C12orf42: variants seen among roughly 807,000 people sequenced by gnomAD.
C12orf42 encodes the protein uncharacterized protein C12orf42.
A neutral mutation model predicts 21.6 loss-of-function variants in C12orf42; 25 were observed. The observed-to-expected ratio is 1.16, with a 90% CI of 0.84 to 1.62. C12orf42 has a LOEUF of 1.62. Ranked by LOEUF, C12orf42 falls within the 40% of genes most tolerant of loss-of-function variation. C12orf42 has a pLI of 0.00. For missense variants in C12orf42, 483 were observed against 459.3 expected, an observed-to-expected ratio of 1.05 and a Z score of -0.47; for synonymous variants, 174 against 175.0, an observed-to-expected ratio of 0.99 and a Z score of 0.05.
At chr12:103,105,733 G>A in the C12orf42 span, among the ~76,000 whole-genome samples, 1,802 of 151,652 alleles carry the variant, frequency 0.012, 39 homozygotes, top group African/African-American at 0.042. Flanking sequence ...GGCTTAAAAT[G>A]TAGAATTTCA....
chr12:103,169,507 A>G, the C12orf42 span, among the ~76,000 whole-genome samples: 1 of 152,168 alleles, frequency 6.6e-6, no homozygotes, highest in East Asian at 1.9e-4. Context: ...TACAGAGAAG[A>G]CAAGTAACTT....
chr12:103,222,100 G>A, the C12orf42 span, among the ~76,000 whole-genome samples: 1 of 152,164 alleles, frequency 6.6e-6, no homozygotes, highest in Non-Finnish European at 1.5e-5. Context: ...GAGTTAATCA[G>A]CAGCCACCAT....
chr12:103,258,249 T>A (rs917608656), intron 10 of C12orf42, among the ~76,000 whole-genome samples: 1 of 152,120 alleles, frequency 6.6e-6, no homozygotes, highest in Non-Finnish European at 1.5e-5. Context: ...TAAGTCTAAA[T>A]AATAGCTTAA....
chr12:103,051,618 C>T, the C12orf42 span, among the ~76,000 whole-genome samples: 32 of 152,124 alleles, frequency 2.1e-4, no homozygotes, highest in Admixed American at 1.5e-3. Flanking sequence ...AAAAGCCATC[C>T]GCATTTATGT....
the C12orf42 span, among the ~76,000 whole-genome samples, chr12:103,532,874 T>C: frequency 6.6e-6 from 1 of 151,938 alleles, no homozygotes; most frequent in Non-Finnish European, 1.5e-5. Context: ...AGACACAGAG[T>C]CGAGTCTTCA....
intron 10 of C12orf42, among the ~76,000 whole-genome samples, chr12:103,250,154 G>A (rs144139340): frequency 4.1e-4 from 62 of 151,544 alleles, no homozygotes; most frequent in African/African-American, 1.3e-3. Context: ...TTGGAATGTC[G>A]GCTAAGATTT....
the C12orf42 span, among the ~76,000 whole-genome samples, chr12:103,055,053 T>C: frequency 6.6e-6 from 1 of 151,902 alleles, no homozygotes; most frequent in Non-Finnish European, 1.5e-5. Context: ...GGCTTTTTTC[T>C]GGTTTTGACA....
At chr12:103,271,866 T>C (rs2035495531) in intron 5 of C12orf42, among the ~76,000 whole-genome samples, 1 of 152,210 alleles carries the variant, frequency 6.6e-6, no homozygotes, top group Non-Finnish European at 1.5e-5. Flanking sequence ...AACACAGCAC[T>C]GGATATTAGC....
At chr12:103,091,447 TCTC>T in the C12orf42 span, among the ~76,000 whole-genome samples, 1 of 151,976 alleles carries the variant, frequency 6.6e-6, no homozygotes, top group Non-Finnish European at 1.5e-5. Flanking sequence ...CTCTTGTCGT[TCTC>T]CTCATTTTGT....
chr12:103,217,670 A>G, the C12orf42 span, among the ~76,000 whole-genome samples: 1 of 152,158 alleles, frequency 6.6e-6, no homozygotes, highest in Non-Finnish European at 1.5e-5. Flanking sequence ...CAAAACCTTC[A>G]TGAGAGGCTT....
the C12orf42 span, among the ~76,000 whole-genome samples, chr12:103,153,015 A>G: frequency 1.4e-4 from 22 of 152,140 alleles, no homozygotes; most frequent in Non-Finnish European, 7.4e-5. Flanking sequence ...CTCATATGGG[A>G]ATGCAAAAAG....
chr12:103,320,729 G>C (rs935259983), intron 4 of C12orf42, among the ~76,000 whole-genome samples: 3 of 151,308 alleles, frequency 2.0e-5, no homozygotes, highest in African/African-American at 7.3e-5. Flanking sequence ...TTCTAGTTAA[G>C]AGATTTGAAA....
At chr12:103,549,215 T>G in the C12orf42 span, among the ~76,000 whole-genome samples, 1 of 152,222 alleles carries the variant, frequency 6.6e-6, no homozygotes, top group Non-Finnish European at 1.5e-5. Context: ...TATACATCTT[T>G]TACAGTACTT....
chr12:103,075,807 T>C, the C12orf42 span, among the ~76,000 whole-genome samples: 1 of 152,244 alleles, frequency 6.6e-6, no homozygotes, highest in South Asian at 2.1e-4. Context: ...AGGAATAAAA[T>C]GAAAGGACAC....
At position 103,348,616 on chromosome 12, in the gene C12orf42, T is replaced by G. The variant is rs189524903; in HGVS notation, c.259+20271A>C. Among the ~76,000 whole-genome samples, 742 of 152,284 alleles carry G rather than the reference T, an allele frequency of 4.9e-3. 6 individuals are homozygous for G. Among genetic ancestry groups the G allele is most frequent in the Non-Finnish European group, 6.9e-3 (472 of 68,012 alleles). On this transcript the variant is annotated intron_variant, in intron 4 of 5. Transcript: ENST00000548883. Reference sequence around the variant, plus strand: ...CATAGCAAAATAGAGAAGGTTGTCTTGAAGGCTCAGAAAAACCTCCTGGAA... The same window carrying G: ...CATAGCAAAATAGAGAAGGTTGTCTGGAAGGCTCAGAAAAACCTCCTGGAA...
intron 2 of C12orf42, among the ~76,000 whole-genome samples, chr12:103,434,001 G>C (rs1157805774): frequency 6.6e-6 from 1 of 152,254 alleles, no homozygotes; most frequent in East Asian, 1.9e-4. Flanking sequence ...AAACTAACTT[G>C]GTTCTCCTGA....
chr12:103,562,988 C>T, the C12orf42 span, among the ~76,000 whole-genome samples: 1 of 152,192 alleles, frequency 6.6e-6, no homozygotes, highest in African/African-American at 2.4e-5. Flanking sequence ...TATGTCAATG[C>T]AGTGAGATCC....
At chr12:103,181,888 G>C in the C12orf42 span, among the ~76,000 whole-genome samples, 1 of 152,186 alleles carries the variant, frequency 6.6e-6, no homozygotes, top group Admixed American at 6.5e-5. Flanking sequence ...CTGACTTTGG[G>C]AAATGCCGTA....
chr12:103,563,323 A>G, the C12orf42 span, among the ~76,000 whole-genome samples: 1 of 152,172 alleles, frequency 6.6e-6, no homozygotes, highest in Non-Finnish European at 1.5e-5. Flanking sequence ...TGCTACAGCC[A>G]ATTGATCATT....
Sources: allele counts gnomAD v4.1 joint callset (sites outside exome capture counted in the v4.1 genomes callset), GRCh38; gene constraint gnomAD v4.1.1; transcripts MANE v1.5; gene names NCBI Gene and HGNC (gene_info 2026-07-23, HGNC 2026-07-21).